LRFN2: variants seen among roughly 807,000 people sequenced by gnomAD.
LRFN2 encodes the protein leucine rich repeat and fibronectin type III domain containing 2.
LRFN2 carries 18 observed loss-of-function variants against 37.3 expected under a neutral mutation model. That is an observed-to-expected ratio of 0.48 (90% CI 0.33 to 0.72). The LOEUF is 0.72. Ranked by LOEUF, LRFN2 falls within the 30% of genes least tolerant of loss-of-function variation. LRFN2 has a pLI of 0.02. For missense variants in LRFN2, 1,006 were observed against 1,060.7 expected, an observed-to-expected ratio of 0.95 and a Z score of 0.72; for synonymous variants, 556 against 466.6, an observed-to-expected ratio of 1.19 and a Z score of -2.47.
chr6:40,428,023 C>T (rs1056387967), intron 2 of LRFN2, among the ~76,000 whole-genome samples: 2 of 152,178 alleles, frequency 1.3e-5, no homozygotes, highest in Non-Finnish European at 1.5e-5. Flanking sequence ...TGCTACTTAC[C>T]CCCTGTTTAA....
At chr6:40,513,011 G>T (rs1183729647) in intron 1 of LRFN2, among the ~76,000 whole-genome samples, 1 of 152,134 alleles carries the variant, frequency 6.6e-6, no homozygotes, top group Non-Finnish European at 1.5e-5. Flanking sequence ...CCTGATGCTT[G>T]TAACAGGCAT....
intron 1 of LRFN2, among the ~76,000 whole-genome samples, chr6:40,576,088 C>T (rs758769182): frequency 5.9e-5 from 9 of 152,122 alleles, no homozygotes; most frequent in Admixed American, 1.3e-4. Flanking sequence ...ACAGTTTCCT[C>T]GCGTTTAAAT....
intron 1 of LRFN2, among the ~76,000 whole-genome samples, chr6:40,511,317 G>C (rs1765703293): frequency 6.6e-6 from 1 of 152,176 alleles, no homozygotes; most frequent in Non-Finnish European, 1.5e-5. Context: ...TTGATTAGAA[G>C]ATGGATGGTA....
At chr6:40,403,821 C>T (rs1303540749) in intron 2 of LRFN2, among the ~76,000 whole-genome samples, 4 of 152,158 alleles carry the variant, frequency 2.6e-5, no homozygotes, top group Admixed American at 6.5e-5. Flanking sequence ...GCTCCTGCTC[C>T]CAGTGAAGCC....
intron 2 of LRFN2, among the ~76,000 whole-genome samples, chr6:40,393,491 T>G (rs1581671555): frequency 2.9e-5 from 4 of 136,058 alleles, no homozygotes; most frequent in Admixed American, 7.3e-5. Flanking sequence ...GAAAGAGGAG[T>G]GGGGGAGACT....
At chr6:40,396,767 C>T (rs1036619459) in intron 2 of LRFN2, among the ~76,000 whole-genome samples, 10 of 147,454 alleles carry the variant, frequency 6.8e-5, no homozygotes, top group African/African-American at 1.6e-4. Context: ...TGTGTGTTGG[C>T]GGTAGGAGGA....
At chr6:40,585,847 A>G (rs1767491527) in intron 1 of LRFN2, among the ~76,000 whole-genome samples, 1 of 147,416 alleles carries the variant, frequency 6.8e-6, no homozygotes, top group South Asian at 2.1e-4. Context: ...ACACACACAC[A>G]CGCGTACACA....
intron 2 of LRFN2, among the ~76,000 whole-genome samples, chr6:40,417,038 A>G (rs1763108846): frequency 6.6e-6 from 1 of 152,154 alleles, no homozygotes; most frequent in Admixed American, 6.5e-5. Context: ...GCTGCAGGAC[A>G]GAAGCTTCCT....
At chr6:40,468,719 G>C (rs1010206201) in intron 1 of LRFN2, among the ~76,000 whole-genome samples, 2 of 152,148 alleles carry the variant, frequency 1.3e-5, no homozygotes, top group African/African-American at 4.8e-5. Flanking sequence ...CCTGTGAGGT[G>C]GTGGGAGGAC....
At position 40,391,936 on chromosome 6, in the gene LRFN2, C is replaced by T. The variant is rs774339846; in HGVS notation, c.*7G>A. 2 of 1,537,058 alleles carry T rather than the reference C, an allele frequency of 1.3e-6. No individual in the cohort carries two copies. The highest frequency in any genetic ancestry group is 4.0e-5 in the Admixed American group (2 of 50,068). On this transcript the variant is annotated 3_prime_UTR_variant, in exon 3 of 3. Coordinates refer to ENST00000338305, the MANE Select transcript of LRFN2 (RefSeq NM_020737.3). ...GCGCACAGGAAAGGGAGCATGCCCA[C>T]CCCCACCTAGACCGTGCTCTCCATC... is the stretch of plus-strand genomic sequence containing the variant.
intron 2 of LRFN2, among the ~76,000 whole-genome samples, chr6:40,403,907 CCTT>C (rs1762792664): frequency 6.6e-6 from 1 of 152,194 alleles, no homozygotes; most frequent in South Asian, 2.1e-4. Flanking sequence ...GGTTTTGTCT[CCTT>C]CTACTCCCCA....
chr6:40,451,873 A>C (rs973718337), intron 1 of LRFN2, among the ~76,000 whole-genome samples: 3 of 152,226 alleles, frequency 2.0e-5, no homozygotes, highest in South Asian at 2.1e-4. Context: ...GGCTATCCAG[A>C]AATAATGAGA....
At chr6:40,504,295 T>A (rs1486262804) in intron 1 of LRFN2, among the ~76,000 whole-genome samples, 1 of 152,238 alleles carries the variant, frequency 6.6e-6, no homozygotes, top group Non-Finnish European at 1.5e-5. Context: ...TTCTCTGGGA[T>A]AAGGAACTTT....
intron 1 of LRFN2, among the ~76,000 whole-genome samples, chr6:40,446,648 T>C (rs1053172585): frequency 1.4e-4 from 22 of 152,196 alleles, no homozygotes; most frequent in African/African-American, 5.3e-4. Flanking sequence ...AGTAAATAAT[T>C]TTCTTTCTGT....
chr6:40,569,284 T>C (rs887582775), intron 1 of LRFN2, among the ~76,000 whole-genome samples: 2 of 152,190 alleles, frequency 1.3e-5, no homozygotes, highest in East Asian at 1.9e-4. Flanking sequence ...AGGACTGGCC[T>C]GGAACCAAGG....
At chr6:40,426,621 G>T (rs1441844263) in intron 2 of LRFN2, among the ~76,000 whole-genome samples, 1 of 152,210 alleles carries the variant, frequency 6.6e-6, no homozygotes, top group Non-Finnish European at 1.5e-5. Flanking sequence ...ACGGGCCAAT[G>T]CCTACTTCCA....
At chr6:40,549,067 G>A (rs1348726819) in intron 1 of LRFN2, among the ~76,000 whole-genome samples, 2 of 152,188 alleles carry the variant, frequency 1.3e-5, no homozygotes, top group Admixed American at 6.5e-5. Context: ...ATGTCAGCAG[G>A]GTAGACATTA....
intron 2 of LRFN2, among the ~76,000 whole-genome samples, chr6:40,405,056 C>T (rs964522942): frequency 6.6e-6 from 1 of 152,224 alleles, no homozygotes; most frequent in Non-Finnish European, 1.5e-5. Context: ...TAGGGCCAGC[C>T]CTTAGCCAGC....
At chr6:40,511,794 A>G (rs969162417) in intron 1 of LRFN2, among the ~76,000 whole-genome samples, 20 of 152,234 alleles carry the variant, frequency 1.3e-4, no homozygotes, top group Admixed American at 6.5e-5. Flanking sequence ...GAAGGGGCAC[A>G]CAATTATTCA....
Sources: gnomAD v4.1 joint callset for allele counts (sites outside exome capture counted in the v4.1 genomes callset) on GRCh38, gnomAD v4.1.1 for gene constraint, MANE v1.5 for transcripts, NCBI Gene and HGNC (gene_info 2026-07-23, HGNC 2026-07-21) for gene names.